Variants in CLIP3 observed in about 807,000 individuals in gnomAD.
The protein encoded by CLIP3 is CAP-Gly domain-containing linker protein 3.
In CLIP3, 15 loss-of-function variants were observed where a neutral mutation model predicts 59.4. The ratio of observed to expected loss-of-function variants is 0.25; its 90% CI spans 0.17 to 0.39. The LOEUF (loss-of-function observed/expected upper bound fraction) is 0.39. Among genes scored for constraint, CLIP3 ranks in the 10% least tolerant of loss-of-function variants. CLIP3 has a pLI of 1.00. For synonymous variants in CLIP3, 300 were observed against 321.6 expected, an observed-to-expected ratio of 0.93 and a Z score of 0.72; for missense variants, 495 against 765.7, an observed-to-expected ratio of 0.65 and a Z score of 4.17.
At chr19:36,021,096 T>G (rs981538466) in intron 7 of CLIP3, among the ~76,000 whole-genome samples, 1 of 152,172 alleles carries the variant, frequency 6.6e-6, no homozygotes, top group Non-Finnish European at 1.5e-5. Flanking sequence ...CAGGTTAGTT[T>G]CAAACTCCTG....
chr19:36,016,749 C>T lies in CLIP3; in HGVS notation c.1589+158G>A, dbSNP rs115663242. The T allele has an allele frequency of 2.9e-4, 210 of 734,026 alleles. No individual in the cohort carries two copies. Among genetic ancestry groups the T allele is most frequent in the African/African-American group, 2.0e-3 (113 of 56,780 alleles). 45.5% of individuals were successfully genotyped at this position (734,026 alleles called of 1,614,324 possible). A position where few individuals can be genotyped will look rare whatever the true frequency, so the allele number is the denominator to read the frequency against. Reference sequence around the variant, plus strand: ...CACTAGAATTCAGTGCGGGGCCCTACACCCTAAAGACTGTTTCTGGGTATG... The same window carrying T: ...CACTAGAATTCAGTGCGGGGCCCTATACCCTAAAGACTGTTTCTGGGTATG... On this transcript the variant is annotated intron_variant, in intron 13 of 13. Coordinates refer to ENST00000360535, the MANE Select transcript of CLIP3 (RefSeq NM_015526.3). The surrounding 1 kb of genome is among the most constrained non-coding windows in gnomAD (Gnocchi z 4.1).
intron 12 of CLIP3, 110 bp from the exon 13 acceptor site, chr19:36,017,089 TG>T (rs1968817557): frequency 8.7e-7 from 1 of 1,148,102 alleles, no homozygotes; most frequent in Non-Finnish European, 1.3e-6. Context: ...AGTCCCCACC[TG>T]GATCCTACAT....
In CLIP3 at chr19:36,017,938, C is replaced by T. The variant is rs780170295; in HGVS notation, c.1237G>A (p.Gly413Arg). 21 of 1,613,984 alleles carry T rather than the reference C, an allele frequency of 1.3e-5. No individual in the cohort carries two copies. Among genetic ancestry groups the T allele is most frequent in the South Asian group, 1.1e-4 (10 of 91,082 alleles). ...PSLGSLQQRDGAKAEVGDQVL... is the reference protein window; with the variant it reads ...PSLGSLQQRDRAKAEVGDQVL... ...TGGTCTCCAACCTCAGCCTTGGCCC[C>T]GTCACGCTGCTGCAAGCTGCCCAGA... is the stretch of plus-strand genomic sequence containing the variant. The change falls in exon 10 of 14, where the codon GGG (glycine) becomes AGG (arginine). Residue 413 changes from glycine (G) to arginine (R), a missense_variant. Gly to Arg is a moderately radical substitution (Grantham distance 125). Coordinates refer to ENST00000360535, the MANE Select transcript of CLIP3 (RefSeq NM_015526.3).
At chr19:36,019,364 T>C (rs778998668) in intron 7 of CLIP3, 58 bp from the exon 8 acceptor site, 33 of 1,559,634 alleles carry the variant, frequency 2.1e-5, no homozygotes, top group Non-Finnish European at 2.8e-5. Context: ...CAACGTGGAG[T>C]GCCCACACAC....
chr19:36,031,008 CTTTTTTTTTTTTTTCTTTTTTTTTTTTT>C (rs1196286069), intron 2 of CLIP3, among the ~76,000 whole-genome samples: 1 of 77,838 alleles, frequency 1.3e-5, no homozygotes, highest in Non-Finnish European at 2.3e-5. Context: ...TTTTTCTTTT[CTTTTTTTTTTTTTTCTTTTTTTTTTTTT>C]TTTTTGAGAC....
rs1261364334 is a variant in CLIP3, at chr19:36,026,468, A to C, written c.562+118T>G. 1 of 1,430,806 alleles carries C rather than the reference A, an allele frequency of 7.0e-7. No homozygotes were observed. The highest frequency in any genetic ancestry group is 9.5e-7 in the Non-Finnish European group (1 of 1,053,030). 88.6% of individuals were successfully genotyped at this position (1,430,806 alleles called of 1,614,324 possible). A position where few individuals can be genotyped will look rare whatever the true frequency, so the allele number is the denominator to read the frequency against. ...CTGAGCCCCCTCTCCCACGCCTCCAACCTCCCGCTATCTCCTCAGATCACC... is the reference window on the plus strand; with the variant it reads ...CTGAGCCCCCTCTCCCACGCCTCCACCCTCCCGCTATCTCCTCAGATCACC... On this transcript the variant is annotated intron_variant, in intron 5 of 13. Transcript: ENST00000360535. The surrounding 1 kb of genome is among the most constrained non-coding windows in gnomAD (Gnocchi z 6.3).
intron 2 of CLIP3, among the ~76,000 whole-genome samples, chr19:36,031,023 C>CTTTTTTTTTTTTTTTT (rs55762943): frequency 1.2e-3 from 96 of 80,158 alleles, no homozygotes; most frequent in East Asian, 2.6e-3. Context: ...TTTTTTTTTT[C>CTTTTTTTTTTTTTTTT]TTTTTTTTTT....
rs1401222494 is a variant in CLIP3, at chr19:36,032,508, C to G, written c.-58-93G>C. On this transcript the variant is annotated intron_variant, in intron 1 of 13. Coordinates refer to ENST00000360535, the MANE Select transcript of CLIP3 (RefSeq NM_015526.3). This position sits in a 1 kb window ranked among gnomAD's most constrained non-coding sequence, Gnocchi z 4.3. ...AGGGCCCCGGGTGGCCTCCGCGCAA[C>G]TGGATCTTGGGCAACCATAGGGACC... 2.5e-6 allele frequency: 1 copy of G among 403,524 alleles called. No homozygotes were observed. The highest frequency in any genetic ancestry group is 4.3e-6 in the Non-Finnish European group (1 of 231,452). 25.0% of individuals were successfully genotyped at this position (403,524 alleles called of 1,614,324 possible).
At position 36,026,319 on chromosome 19, in the gene CLIP3, C is replaced by T. The variant is rs776639852; in HGVS notation, c.563-54G>A. ...GGTGAGCGCCTGTGGGACCCCAGCC[C>T]TCCTCCCACCTCGGGGCTCATCTCT... On this transcript the variant is annotated intron_variant, in intron 5 of 13. Coordinates refer to ENST00000360535, the MANE Select transcript of CLIP3 (RefSeq NM_015526.3). This position sits in a 1 kb window ranked among gnomAD's most constrained non-coding sequence, Gnocchi z 6.3. 270 of 1,449,454 alleles carry T rather than the reference C, an allele frequency of 1.9e-4. No individual in the cohort carries two copies. Among genetic ancestry groups the T allele is most frequent in the Non-Finnish European group, 2.5e-4 (264 of 1,035,380 alleles). The allele number at this position is 1,449,454 out of a possible 1,614,324, so 89.8% of individuals were successfully genotyped here.
chr19:36,031,872 CAA>C lies in CLIP3; in HGVS notation c.166+318_166+319del. On this transcript the variant is annotated intron_variant, in intron 2 of 13. Coordinates refer to ENST00000360535, the MANE Select transcript of CLIP3 (RefSeq NM_015526.3). ...CTGAGGCCTGTGAGTTGTCTCAGGG[CAA>C]AGACTGGGTCTCTCTTGCCCCCTGC... 2.0e-5 allele frequency among the ~76,000 whole-genome samples: 3 copies of C among 152,264 alleles called. No homozygotes were observed. In the South Asian group the frequency reaches 6.2e-4, roughly 32 times the overall value.
At position 36,016,766 on chromosome 19, in the gene CLIP3, C is replaced by T; in HGVS notation, c.1589+141G>A. 3.6e-6 allele frequency: 3 copies of T among 829,438 alleles called. No individual in the cohort carries two copies. The highest frequency in any genetic ancestry group is 5.9e-6 in the Non-Finnish European group (3 of 509,262). 51.4% of individuals were successfully genotyped at this position (829,438 alleles called of 1,614,324 possible). On this transcript the variant is annotated intron_variant, in intron 13 of 13. Coordinates refer to ENST00000360535, the MANE Select transcript of CLIP3 (RefSeq NM_015526.3). This position sits in a 1 kb window ranked among gnomAD's most constrained non-coding sequence, Gnocchi z 4.1. ...GGGCCCTACACCCTAAAGACTGTTT[C>T]TGGGTATGCTTACAAGTCACAAGTT...
chr19:36,022,679 T>G (rs1599697849), intron 7 of CLIP3, among the ~76,000 whole-genome samples: 1 of 152,148 alleles, frequency 6.6e-6, no homozygotes. Context: ...CCCAGCACTT[T>G]GGGAGCCAAG....
At position 36,026,097 on chromosome 19, in the gene CLIP3, G is replaced by T; in HGVS notation, c.681+50C>A. ...GCAGAGACCTGCTGGAGGGAAGTGGGGGAGGAAGGGAGCAGGAGGGTAACG... is the reference window on the plus strand; with the variant it reads ...GCAGAGACCTGCTGGAGGGAAGTGGTGGAGGAAGGGAGCAGGAGGGTAACG... On this transcript the variant is annotated intron_variant, in intron 6 of 13. Coordinates refer to ENST00000360535, the MANE Select transcript of CLIP3 (RefSeq NM_015526.3). This position sits in a 1 kb window ranked among gnomAD's most constrained non-coding sequence, Gnocchi z 6.3. 7.2e-7 allele frequency: 1 copy of T among 1,394,566 alleles called. No homozygotes were observed. The highest frequency in any genetic ancestry group is 1.2e-5 in the South Asian group (1 of 85,698). The allele number at this position is 1,394,566 out of a possible 1,614,324, so 86.4% of individuals were successfully genotyped here.
Position 36,018,943 on chromosome 19 carries a change from T to C in CLIP3, c.1138A>G (p.Met380Val). The C allele has an allele frequency of 6.2e-7, 1 of 1,612,030 alleles. No homozygotes were observed. The highest frequency in any genetic ancestry group is 1.7e-5 in the Admixed American group (1 of 59,626). Residue 380 changes from methionine to valine, a missense_variant, in exon 9 of 14, where the codon ATG becomes GTG. Physicochemically the swap from Met to Val is conservative, Grantham distance 21. Transcript: ENST00000360535. ...SVTSTPRTPR[M>V]DFSRVTGKGR... Reference sequence around the variant, plus strand: ...TTGCCGGTGACACGGGAGAAGTCCATCCGGGGGGTCCGGGGTGTGGAGGTG... The same window carrying C: ...TTGCCGGTGACACGGGAGAAGTCCACCCGGGGGGTCCGGGGTGTGGAGGTG...
At position 36,016,093 on chromosome 19, in the gene CLIP3, A is replaced by G; in HGVS notation, c.*65T>C. On this transcript the variant is annotated 3_prime_UTR_variant, in exon 14 of 14. Transcript: ENST00000360535. The surrounding 1 kb of genome is among the most constrained non-coding windows in gnomAD (Gnocchi z 4.1). ...GGGAATCTCTATCTCAGGGTGACTC[A>G]GGGCTCCTCGGGTGTCAGGAGATGC... 3 of 1,564,538 alleles carry G rather than the reference A, an allele frequency of 1.9e-6. No individual in the cohort carries two copies. Among genetic ancestry groups the G allele is most frequent in the Non-Finnish European group, 2.6e-6 (3 of 1,137,530 alleles).
intron 9 of CLIP3, among the ~76,000 whole-genome samples, chr19:36,018,204 G>T (rs1415118379): frequency 1.3e-5 from 2 of 152,176 alleles, no homozygotes; most frequent in Non-Finnish European, 2.9e-5. Flanking sequence ...CAAAGCTGAG[G>T]ATATGTTGGA....
In CLIP3 at chr19:36,016,563, G is replaced by A. The variant is rs1968804921; in HGVS notation, c.1589+344C>T. On this transcript the variant is annotated intron_variant, in intron 13 of 13. Transcript: ENST00000360535. The surrounding 1 kb of genome is among the most constrained non-coding windows in gnomAD (Gnocchi z 4.1). ...GGGTTTCACCATGTTGGCCAGGCTGGTCTTGAACTCCTGACCTCAGGTGAT... is the reference window on the plus strand; with the variant it reads ...GGGTTTCACCATGTTGGCCAGGCTGATCTTGAACTCCTGACCTCAGGTGAT... Among the ~76,000 whole-genome samples, 1 of 152,174 alleles carries A rather than the reference G, an allele frequency of 6.6e-6. No individual in the cohort carries two copies. The highest frequency in any genetic ancestry group is 1.5e-5 in the Non-Finnish European group (1 of 68,034).
At chr19:36,022,133 G>A (rs1345957521) in intron 7 of CLIP3, among the ~76,000 whole-genome samples, 1 of 152,068 alleles carries the variant, frequency 6.6e-6, no homozygotes, top group East Asian at 1.9e-4. Flanking sequence ...GCCCACCTCT[G>A]CCTCCCAAAG....
At position 36,026,819 on chromosome 19, in the gene CLIP3, G is replaced by A; in HGVS notation, c.401-72C>T. 2 of 1,558,012 alleles carry A rather than the reference G, an allele frequency of 1.3e-6. No individual in the cohort carries two copies. The highest frequency in any genetic ancestry group is 1.4e-5 in the African/African-American group (1 of 73,896). The stretch of plus-strand genomic sequence containing the variant: ...GGCCCAGTGCACGGGGAGGACCCTG[G>A]GCTTCAGGGACTATACTTTGGGATC... On this transcript the variant is annotated intron_variant, in intron 4 of 13. Coordinates refer to ENST00000360535, the MANE Select transcript of CLIP3 (RefSeq NM_015526.3). The surrounding 1 kb of genome is among the most constrained non-coding windows in gnomAD (Gnocchi z 6.3).
Sources: allele counts gnomAD v4.1 joint callset (sites outside exome capture counted in the v4.1 genomes callset), GRCh38; gene constraint gnomAD v4.1.1; non-coding constraint Gnocchi (gnomAD v3.1); transcripts MANE v1.5; gene names NCBI Gene and HGNC (gene_info 2026-07-23, HGNC 2026-07-21).